SAMD5: variants seen among roughly 807,000 people sequenced by gnomAD.
The protein encoded by SAMD5 is sterile alpha motif domain-containing protein 5.
Under a neutral mutation model 11.3 loss-of-function variants are expected in SAMD5, and 13 were observed. The observed-to-expected ratio is 1.15, with a 90% CI of 0.75 to 1.83. The LOEUF is 1.83. Among genes scored for constraint, SAMD5 ranks in the 40% most tolerant of loss-of-function variants. SAMD5 has a pLI of 0.00. For missense variants in SAMD5, 255 were observed against 239.1 expected (o/e 1.07, Z -0.44); for synonymous variants, 129 against 111.3 (o/e 1.16, Z -1.00).
chr6:147,725,484 G>T (rs985733778), intron 1 of SAMD5, among the ~76,000 whole-genome samples: 2 of 150,822 alleles, frequency 1.3e-5, no homozygotes, highest in African/African-American at 4.9e-5. Context: ...TGCTTCCTGG[G>T]TTCAAGCAAT....
At chr6:147,525,052 C>A (rs1788315746) in intron 1 of SAMD5, among the ~76,000 whole-genome samples, 1 of 151,818 alleles carries the variant, frequency 6.6e-6, no homozygotes, top group African/African-American at 2.4e-5. Context: ...GCAATTTCTC[C>A]AAGAAACATT....
chr6:147,865,409 G>T, the SAMD5 span, among the ~76,000 whole-genome samples: 1 of 151,986 alleles, frequency 6.6e-6, no homozygotes, highest in African/African-American at 2.4e-5. Context: ...GGGAAAAAAA[G>T]GAAAGATGAA....
chr6:147,646,707 C>T (rs1790407643), intron 1 of SAMD5, among the ~76,000 whole-genome samples: 1 of 152,114 alleles, frequency 6.6e-6, no homozygotes, highest in South Asian at 2.1e-4. Flanking sequence ...CATTTCTTAT[C>T]TCTTTTAATG....
chr6:147,605,596 T>C (rs1219321296), intron 1 of SAMD5, among the ~76,000 whole-genome samples: 1 of 152,142 alleles, frequency 6.6e-6, no homozygotes, highest in Non-Finnish European at 1.5e-5. Context: ...ATAGAGTGAA[T>C]GGGAGGGATT....
At chr6:147,721,452 A>G (rs1464369292) in intron 1 of SAMD5, among the ~76,000 whole-genome samples, 1 of 152,202 alleles carries the variant, frequency 6.6e-6, no homozygotes, top group African/African-American at 2.4e-5. Context: ...ATGGCCAGTG[A>G]TGGTGAGCAT....
the SAMD5 span, among the ~76,000 whole-genome samples, chr6:147,913,324 G>A: frequency 1.3e-5 from 2 of 152,134 alleles, no homozygotes; most frequent in African/African-American, 4.8e-5. Flanking sequence ...TATTGGTATG[G>A]ATGAAGCAGT....
the SAMD5 span, among the ~76,000 whole-genome samples, chr6:147,910,515 G>A: frequency 6.6e-6 from 1 of 152,082 alleles, no homozygotes; most frequent in African/African-American, 2.4e-5. Flanking sequence ...CCACTCAAAA[G>A]GACTCAGGGC....
At chr6:147,803,095 T>A in the SAMD5 span, among the ~76,000 whole-genome samples, 1 of 151,986 alleles carries the variant, frequency 6.6e-6, no homozygotes, top group Non-Finnish European at 1.5e-5. Flanking sequence ...ATACTTCTTT[T>A]CTCTATATAA....
chr6:147,927,049 C>T, the SAMD5 span, among the ~76,000 whole-genome samples: 1 of 152,162 alleles, frequency 6.6e-6, no homozygotes, highest in South Asian at 2.1e-4. Context: ...CAGTACCAAG[C>T]TGTTTTGGTT....
At chr6:147,685,215 G>T (rs1790992082) in intron 1 of SAMD5, among the ~76,000 whole-genome samples, 5 of 152,086 alleles carry the variant, frequency 3.3e-5, no homozygotes, top group Admixed American at 6.5e-5. Flanking sequence ...TTTCTGTTTT[G>T]AGATGGAGTC....
At chr6:147,521,171 G>T in intron 1 of SAMD5, among the ~76,000 whole-genome samples, 1 of 152,100 alleles carries the variant, frequency 6.6e-6, no homozygotes, top group East Asian at 1.9e-4. Flanking sequence ...CGTTTGAGAA[G>T]TGGTATTTCA....
At chr6:147,773,985 G>T in the SAMD5 span, among the ~76,000 whole-genome samples, 11 of 152,076 alleles carry the variant, frequency 7.2e-5, no homozygotes, top group African/African-American at 2.4e-4. Context: ...TGGGACTACA[G>T]ACATGCACCA....
chr6:147,644,067 C>T (rs1013843390), intron 1 of SAMD5, among the ~76,000 whole-genome samples: 5 of 152,072 alleles, frequency 3.3e-5, no homozygotes, highest in African/African-American at 1.2e-4. Context: ...TGATTCATTG[C>T]ATGATGAATG....
chr6:147,607,685 C>A (rs1329258950), intron 1 of SAMD5, among the ~76,000 whole-genome samples: 1 of 152,160 alleles, frequency 6.6e-6, no homozygotes, highest in Non-Finnish European at 1.5e-5. Context: ...AACGATGAAA[C>A]CACTACAAGA....
At chr6:147,837,819 C>T in the SAMD5 span, among the ~76,000 whole-genome samples, 1 of 152,272 alleles carries the variant, frequency 6.6e-6, no homozygotes, top group South Asian at 2.1e-4. Context: ...AGCATCTAAA[C>T]TGTAATGCCA....
At position 147,565,584 on chromosome 6, in the gene SAMD5, G is replaced by T; in HGVS notation, c.*1128G>T. 1 of 449,160 alleles carries T rather than the reference G, an allele frequency of 2.2e-6. No homozygotes were observed. The highest frequency in any genetic ancestry group is 2.9e-6 in the Non-Finnish European group (1 of 340,554). The allele number at this position is 449,160 out of a possible 1,614,324, so 27.8% of individuals were successfully genotyped here. A position where few individuals can be genotyped will look rare whatever the true frequency, so the allele number is the denominator to read the frequency against. On this transcript the variant is annotated 3_prime_UTR_variant, in exon 2 of 2. Transcript: ENST00000367474. ...AGGAATTCTCCTGCCTCGGCCTCTTGGTAGCTGGGATTACAGGCACGCATC... is the reference window on the plus strand; with the variant it reads ...AGGAATTCTCCTGCCTCGGCCTCTTTGTAGCTGGGATTACAGGCACGCATC...
the SAMD5 span, among the ~76,000 whole-genome samples, chr6:147,938,911 C>T: frequency 4.2e-3 from 623 of 147,712 alleles, 3 homozygotes; most frequent in African/African-American, 0.015. Context: ...ATTCAGTTCT[C>T]ACATGAACCC....
the SAMD5 span, among the ~76,000 whole-genome samples, chr6:147,843,325 C>T: frequency 4.6e-5 from 7 of 152,014 alleles, no homozygotes; most frequent in African/African-American, 9.7e-5. Flanking sequence ...TATAAAATAT[C>T]GATTAAAGAA....
chr6:147,805,386 C>T, the SAMD5 span, among the ~76,000 whole-genome samples: 2 of 152,124 alleles, frequency 1.3e-5, no homozygotes, highest in African/African-American at 4.8e-5. Flanking sequence ...TGTTTACATA[C>T]AGGATGTTAC....
Sources: gnomAD v4.1 joint callset for allele counts (sites outside exome capture counted in the v4.1 genomes callset) on GRCh38, gnomAD v4.1.1 for gene constraint, MANE v1.5 for transcripts, NCBI Gene and HGNC (gene_info 2026-07-23, HGNC 2026-07-21) for gene names.